DEF8: variants seen among roughly 807,000 people sequenced by gnomAD.
The protein encoded by DEF8 is differentially expressed in FDCP 8 homolog.
DEF8 carries 38 observed loss-of-function variants against 59.1 expected under a neutral mutation model. The observed-to-expected ratio is 0.64, with a 90% CI of 0.50 to 0.84. The LOEUF (loss-of-function observed/expected upper bound fraction) is 0.84. DEF8 is among the 40% of genes least tolerant of loss of function. The pLI is 0.00. For synonymous variants in DEF8, 265 were observed against 250.1 expected (o/e 1.06, Z -0.56); for missense variants, 557 against 615.2 (o/e 0.91, Z 1.00).
rs1158609065 is a variant in DEF8 at position 89,964,467 on chromosome 16, G to A, written c.1145G>A (p.Arg382Gln). 5.0e-6 allele frequency: 8 copies of A among 1,588,364 alleles called. No homozygotes were observed. The highest frequency in any genetic ancestry group is 4.7e-5 in the East Asian group (2 of 42,932). The change falls in exon 12 of 13, where the codon CGG becomes CAG. Residue 382 changes from arginine (R) to glutamine (Q), a missense_variant and splice_region_variant. Physicochemically the swap from Arg to Gln is conservative, Grantham distance 43. Transcript: ENST00000563594. ...CCAACCCCACACTGTTCCCCCCAGC[G>A]GTGCCAGGCCAAGGGCTTCGTGTGT... ...FAKHIKLDCERCQAKGFVCEL... is the reference protein window; with the variant it reads ...FAKHIKLDCEQCQAKGFVCEL...
rs192349606 is a variant in DEF8, at chr16:89,959,792, C to T, written c.514+637C>T. 2.7e-3 allele frequency among the ~76,000 whole-genome samples: 418 copies of T among 152,374 alleles called. 1 individual carries two copies. Among genetic ancestry groups the T allele is most frequent in the East Asian group, 6.4e-3 (33 of 5,190 alleles). ...GATTACAGGCGTGAGCCACCACGCC[C>T]AGCCGGCGTCACGTGACTTTTAAGC... On this transcript the variant is annotated intron_variant, in intron 6 of 12. Coordinates refer to ENST00000563594, the MANE Select transcript of DEF8 (RefSeq NM_001242818.2).
chr16:89,965,443 C>CT (rs1441024508), intron 12 of DEF8, among the ~76,000 whole-genome samples: 1 of 152,222 alleles, frequency 6.6e-6, no homozygotes, highest in Non-Finnish European at 1.5e-5. Context: ...TGCTCAGTGT[C>CT]TGACAGGTGT....
chr16:89,954,157 A>G lies in DEF8; in HGVS notation c.-10-86A>G. On this transcript the variant is annotated intron_variant, in intron 2 of 12. Coordinates refer to ENST00000563594, the MANE Select transcript of DEF8 (RefSeq NM_001242818.2). The surrounding 1 kb of genome is among the most constrained non-coding windows in gnomAD (Gnocchi z 4.3). ...AAGTGAAAGAGGCCAGCCTCACCCC[A>G]GACACCCCAGTGTGGTTGGGGAAAG... 6.8e-7 allele frequency: 1 copy of G among 1,478,760 alleles called. No individual in the cohort carries two copies. Among genetic ancestry groups the G allele is most frequent in the African/African-American group, 1.4e-5 (1 of 71,946 alleles). 91.6% of individuals were successfully genotyped at this position (1,478,760 alleles called of 1,614,324 possible).
rs757809746 is a variant in DEF8, at chr16:89,964,290, C to T, written c.1123C>T (p.His375Tyr). 3.8e-6 allele frequency: 6 copies of T among 1,599,428 alleles called. No homozygotes were observed. Among genetic ancestry groups the T allele is most frequent in the South Asian group, 1.1e-5 (1 of 89,606 alleles). Reference protein sequence around the residue: ...LTEIHTLFAKHIKLDCERCQA... With the variant: ...LTEIHTLFAKYIKLDCERCQA... ...CGAGATCCACACGCTCTTCGCCAAG[C>T]ACATCAAGCTGGACTGCGAGGTGGG... Residue 375 changes from histidine to tyrosine, a missense_variant, in exon 11 of 13, where the codon CAC becomes TAC. By Grantham distance (83) the His-to-Tyr change is moderately conservative. Transcript: ENST00000563594.
intron 10 of DEF8, 44 bp from the exon 11 acceptor site, chr16:89,964,126 G>T (rs989935578): frequency 3.7e-6 from 6 of 1,613,160 alleles, no homozygotes; most frequent in Non-Finnish European, 4.2e-6. Context: ...CGGTGGGAGG[G>T]GCCCTCCCCG....
intron 11 of DEF8, 57 bp downstream of exon 11, chr16:89,964,367 CAGG>C: frequency 1.3e-6 from 2 of 1,540,066 alleles, no homozygotes; most frequent in Non-Finnish European, 1.8e-6. Flanking sequence ...GGGGGATTGG[CAGG>C]AGAAGCAGCC....
chr16:89,951,322 T>C (rs748355550), intron 2 of DEF8, among the ~76,000 whole-genome samples: 6 of 151,876 alleles, frequency 4.0e-5, no homozygotes, highest in Non-Finnish European at 7.4e-5. Flanking sequence ...AGTGGCTCAA[T>C]CTCGGCTCAC....
At chr16:89,949,173 C>T (rs2031449533) in intron 1 of DEF8, among the ~76,000 whole-genome samples, 2 of 151,102 alleles carry the variant, frequency 1.3e-5, no homozygotes, top group South Asian at 4.2e-4. Flanking sequence ...GAGACCTCGG[C>T]CGCCCCACCC....
At position 89,954,317 on chromosome 16, in the gene DEF8, C is replaced by T. The variant is rs2032733979; in HGVS notation, c.65C>T (p.Ser22Phe). Reference protein sequence around the residue: ...QAHLNPFNKQSGPRQHEQGPG... With the variant: ...QAHLNPFNKQFGPRQHEQGPG... ...CACCTCAACCCCTTCAACAAGCAGTCTGGGCCGAGACAGCATGAGCAGGGC... is the reference window on the plus strand; with the variant it reads ...CACCTCAACCCCTTCAACAAGCAGTTTGGGCCGAGACAGCATGAGCAGGGC... The change falls in exon 3 of 13, where the codon TCT becomes TTT. Residue 22 changes from serine to phenylalanine, a missense_variant. Transcript: ENST00000563594. This position sits in a 1 kb window ranked among gnomAD's most constrained non-coding sequence, Gnocchi z 4.3. 1.4e-5 allele frequency: 23 copies of T among 1,613,836 alleles called. No homozygotes were observed. Among genetic ancestry groups the T allele is most frequent in the Non-Finnish European group, 1.9e-5 (23 of 1,179,978 alleles).
At chr16:89,965,250 A>C (rs537406293) in intron 12 of DEF8, among the ~76,000 whole-genome samples, 3 of 152,144 alleles carry the variant, frequency 2.0e-5, no homozygotes, top group Admixed American at 1.3e-4. Flanking sequence ...TGGGCCTCAC[A>C]CATCTTCCAG....
chr16:89,952,993 C>T (rs886325304), intron 2 of DEF8, among the ~76,000 whole-genome samples: 2 of 152,208 alleles, frequency 1.3e-5, no homozygotes, highest in Admixed American at 1.3e-4. Flanking sequence ...GCAGGGCCGT[C>T]CCCTCTGGGC....
chr16:89,965,372 C>T (rs2034514478), intron 12 of DEF8, among the ~76,000 whole-genome samples: 1 of 152,212 alleles, frequency 6.6e-6, no homozygotes, highest in Non-Finnish European at 1.5e-5. Flanking sequence ...GCGATGGTGT[C>T]ACACAGATGG....
chr16:89,956,773 T>A (rs552431197), intron 4 of DEF8: 1 of 152,342 alleles, frequency 6.6e-6, no homozygotes, highest in South Asian at 2.1e-4. Context: ...CCTCCCAAAG[T>A]GCTAGCATTA....
intron 4 of DEF8, among the ~76,000 whole-genome samples, chr16:89,955,660 C>T (rs547285409): frequency 2.0e-5 from 3 of 152,140 alleles, no homozygotes; most frequent in Non-Finnish European, 2.9e-5. Flanking sequence ...AAGGGGAAGC[C>T]CCTTGTCTGC....
At chr16:89,958,922 G>A in intron 5 of DEF8, 92 bp from the exon 6 acceptor site, 1 of 1,553,250 alleles carries the variant, frequency 6.4e-7, no homozygotes. Flanking sequence ...CCTAAATGGT[G>A]CCTGGAAGAA....
At chr16:89,955,633 G>A (rs1258676061) in intron 4 of DEF8, among the ~76,000 whole-genome samples, 1 of 152,188 alleles carries the variant, frequency 6.6e-6, no homozygotes, top group Non-Finnish European at 1.5e-5. Flanking sequence ...CTTGCCGAGA[G>A]TCAGGGTGTG....
chr16:89,949,783 G>A, intron 2 of DEF8: 2 of 823,998 alleles, frequency 2.4e-6, no homozygotes, highest in Non-Finnish European at 3.7e-6. Context: ...GGGGCAGGGG[G>A]TGGCCAGACC....
At chr16:89,965,148 T>C (rs2034497477) in intron 12 of DEF8, among the ~76,000 whole-genome samples, 1 of 152,220 alleles carries the variant, frequency 6.6e-6, no homozygotes, top group Admixed American at 6.5e-5. Flanking sequence ...GAGTGGCTCT[T>C]GGAAAAATAA....
chr16:89,960,845 CG>C (rs2151197585), intron 6 of DEF8, 85 bp from the exon 7 acceptor site: 5 of 1,460,186 alleles, frequency 3.4e-6, no homozygotes, highest in Non-Finnish European at 4.7e-6. Flanking sequence ...GTGGAACCCA[CG>C]GGGAGGGGGC....
Sources: allele counts gnomAD v4.1 joint callset (sites outside exome capture counted in the v4.1 genomes callset), GRCh38; gene constraint gnomAD v4.1.1; non-coding constraint Gnocchi (gnomAD v3.1); transcripts MANE v1.5; gene names NCBI Gene and HGNC (gene_info 2026-07-23, HGNC 2026-07-21).